Variants in CDH23 observed in about 807,000 individuals in gnomAD.
The protein encoded by CDH23 is cadherin-23.
CDH23 carries 189 observed loss-of-function variants against 317.1 expected under a neutral mutation model. That is an observed-to-expected ratio of 0.60 (90% CI 0.53 to 0.67). The LOEUF (loss-of-function observed/expected upper bound fraction) is 0.67, where lower values mean the gene tolerates loss of function less well. Ranked by LOEUF, CDH23 falls within the 30% of genes least tolerant of loss-of-function variation. The probability of loss-of-function intolerance (pLI) is 0.00; values close to 1 mark genes in which losing one functional copy is unlikely to be tolerated. For missense variants in CDH23, 4,401 were observed against 4,592.4 expected (o/e 0.96, Z 1.20); for synonymous variants, 1,839 against 1,876.8 (o/e 0.98, Z 0.52).
chr10:71,473,666 T>C (rs1026256517), intron 3 of CDH23, among the ~76,000 whole-genome samples: 1 of 152,232 alleles, frequency 6.6e-6, no homozygotes, highest in African/African-American at 2.4e-5. Context: ...CTTGGGATCA[T>C]CAAATACATG....
chr10:71,465,351 G>T (rs1851197150), intron 3 of CDH23, among the ~76,000 whole-genome samples: 2 of 152,384 alleles, frequency 1.3e-5, no homozygotes, highest in African/African-American at 4.8e-5. Context: ...GAGCTCCTGT[G>T]GTCTTGACCA....
chr10:71,431,479 G>A (rs1849368482), intron 1 of CDH23, among the ~76,000 whole-genome samples: 1 of 152,224 alleles, frequency 6.6e-6, no homozygotes. Context: ...ACCTACAAGG[G>A]CTTGGCCATT....
intron 18 of CDH23, 84 bp downstream of exon 18, chr10:71,682,656 G>C: frequency 6.5e-7 from 1 of 1,530,730 alleles, no homozygotes; most frequent in Non-Finnish European, 8.9e-7. Context: ...GTAGGACTGT[G>C]GCCCCCACCT....
At chr10:71,621,884 C>G (rs906308125) in intron 11 of CDH23, among the ~76,000 whole-genome samples, 4 of 152,186 alleles carry the variant, frequency 2.6e-5, no homozygotes, top group Non-Finnish European at 4.4e-5. Flanking sequence ...TGAGTAATTT[C>G]TTTTCCTTTG....
At chr10:71,405,905 G>T (rs982849493) in intron 1 of CDH23, among the ~76,000 whole-genome samples, 3 of 152,150 alleles carry the variant, frequency 2.0e-5, no homozygotes, top group African/African-American at 4.8e-5. Context: ...TAGTTGGTGG[G>T]ACTTCAAGCT....
At chr10:71,633,177 A>G (rs1862098514) in intron 11 of CDH23, among the ~76,000 whole-genome samples, 1 of 151,952 alleles carries the variant, frequency 6.6e-6, no homozygotes, top group Admixed American at 6.6e-5. Flanking sequence ...TCACGATCCA[A>G]TCACCTCTTA....
intron 38 of CDH23, among the ~76,000 whole-genome samples, chr10:71,744,697 C>T (rs147187749): frequency 1.1e-4 from 17 of 152,264 alleles, no homozygotes; most frequent in African/African-American, 3.6e-4. Flanking sequence ...GGGTAGCATC[C>T]GCCCTGCTCA....
chr10:71,720,364 A>C (rs982103950), intron 28 of CDH23, among the ~76,000 whole-genome samples: 2 of 151,762 alleles, frequency 1.3e-5, no homozygotes, highest in African/African-American at 4.8e-5. Context: ...CTCCAAGGCC[A>C]TGCTCCCCAC....
chr10:71,428,649 C>T (rs1406477175), intron 1 of CDH23, among the ~76,000 whole-genome samples: 3 of 151,688 alleles, frequency 2.0e-5, no homozygotes, highest in African/African-American at 7.3e-5. Flanking sequence ...AGTGCAGTGG[C>T]GCGATCTCAG....
At chr10:71,732,669 T>TCCCTGTAACACATCCATTTTCATA in intron 32 of CDH23, 1 of 1,367,480 alleles carries the variant, frequency 7.3e-7, no homozygotes, top group Non-Finnish European at 9.4e-7. Flanking sequence ...GAGATCAATA[T>TCCCTGTAACACATCCATTTTCATA]CCCTGTAACA....
intron 9 of CDH23, among the ~76,000 whole-genome samples, chr10:71,599,137 A>T (rs1339129647): frequency 6.6e-6 from 1 of 151,716 alleles, no homozygotes; most frequent in Non-Finnish European, 1.5e-5. Context: ...AACACAGCAC[A>T]CCCCCATGTA....
At position 71,743,195 on chromosome 10, in the gene CDH23, G is replaced by A. The variant is rs569332266; in HGVS notation, c.4845+1274G>A. Among the ~76,000 whole-genome samples, 355 of 152,324 alleles carry A rather than the reference G, an allele frequency of 2.3e-3. 4 individuals carry two copies. Among genetic ancestry groups the A allele is most frequent in the Non-Finnish European group, 1.6e-3 (108 of 68,040 alleles). On this transcript the variant is annotated intron_variant, in intron 38 of 69. Coordinates refer to ENST00000224721, the MANE Select transcript of CDH23 (RefSeq NM_022124.6). Reference sequence around the variant, plus strand: ...TAAACTCTACCTTCTGAAGGAATGAGCTACAAAGTCACACTGCAAAGAGTG... The same window carrying A: ...TAAACTCTACCTTCTGAAGGAATGAACTACAAAGTCACACTGCAAAGAGTG...
In CDH23 at chr10:71,402,556, C is replaced by T. The variant is rs80353719; in HGVS notation, c.-6+5238C>T. On this transcript the variant is annotated intron_variant, in intron 1 of 69. Coordinates refer to ENST00000224721, the MANE Select transcript of CDH23 (RefSeq NM_022124.6). ...TTACAAGGCATTGTGTAGTACCTGG[C>T]GCACAGTATACATGCAAAATGTAGT... Among the ~76,000 whole-genome samples, 94 of 152,286 alleles carry T rather than the reference C, an allele frequency of 6.2e-4. 3 individuals carry two copies. In the East Asian group the frequency reaches 0.018, roughly 29 times the overall value.
At chr10:71,731,748 A>G (rs944758964) in intron 31 of CDH23, among the ~76,000 whole-genome samples, 3 of 152,076 alleles carry the variant, frequency 2.0e-5, no homozygotes, top group African/African-American at 7.2e-5. Context: ...TTTCTGTCCT[A>G]TCTCTGGTGC....
intron 14 of CDH23, among the ~76,000 whole-genome samples, chr10:71,660,211 G>A (rs1008737730): frequency 1.3e-5 from 2 of 151,892 alleles, no homozygotes; most frequent in Non-Finnish European, 1.5e-5. Flanking sequence ...CACCCCGCTC[G>A]GCCTCCCAAA....
intron 9 of CDH23, among the ~76,000 whole-genome samples, chr10:71,599,172 G>A (rs2132469841): frequency 6.6e-6 from 1 of 152,310 alleles, no homozygotes; most frequent in South Asian, 2.1e-4. Context: ...AACATTTGTT[G>A]ACATTTTGCC....
At chr10:71,585,390 A>G (rs75390833) in intron 9 of CDH23, among the ~76,000 whole-genome samples, 46 of 152,286 alleles carry the variant, frequency 3.0e-4, no homozygotes, top group African/African-American at 1.1e-3. Flanking sequence ...TCCCAGCACA[A>G]GGATGGGCCT....
intron 16 of CDH23, among the ~76,000 whole-genome samples, chr10:71,679,158 C>A (rs1308656772): frequency 6.6e-6 from 1 of 152,148 alleles, no homozygotes; most frequent in East Asian, 1.9e-4. Context: ...GCCTCCACAC[C>A]CAGCACATGG....
chr10:71,696,107 C>A (rs61572878), intron 22 of CDH23, among the ~76,000 whole-genome samples: 1 of 152,198 alleles, frequency 6.6e-6, no homozygotes, highest in Non-Finnish European at 1.5e-5. Flanking sequence ...AGGGGAGACA[C>A]GGTCAAAGCC....
Sources: gnomAD v4.1 joint callset for allele counts (sites outside exome capture counted in the v4.1 genomes callset) on GRCh38, gnomAD v4.1.1 for gene constraint, MANE v1.5 for transcripts, NCBI Gene and HGNC (gene_info 2026-07-23, HGNC 2026-07-21) for gene names.